ARSL: variants seen among roughly 807,000 people sequenced by gnomAD.
The protein encoded by ARSL is arylsulfatase E (chondrodysplasia punctata 1).
ARSL carries 4 observed loss-of-function variants against 31.1 expected under a neutral mutation model. The ratio of observed to expected loss-of-function variants is 0.13; its 90% CI spans 0.06 to 0.29. The LOEUF is 0.29. ARSL is among the 10% of genes least tolerant of loss of function. The pLI is 1.00. For synonymous variants in ARSL, 198 were observed against 209.9 expected (o/e 0.94, Z 0.49); for missense variants, 312 against 497.8 (o/e 0.63, Z 3.55).
At chrX:2,964,395 G>A (rs775727358), upstream of ARSL, 32 of 751,083 alleles carry the variant, frequency 4.3e-5, no homozygotes, top group African/African-American at 7.4e-4. Context: ...GACAGACAGA[G>A]CAGACTCCCC....
rs750738958 is a variant in ARSL at position 2,935,155 on chromosome X, C to T, written c.1447G>A (p.Val483Met). ...TMWKVHFVTPVFQPEGAGACY... is the reference protein window; with the variant it reads ...TMWKVHFVTPMFQPEGAGACY... ...GCACCGGCTCCCTCTGGCTGGAACA[C>T]AGGCGTCACAAAGTGGACTTTCCAC... is the stretch of plus-strand genomic sequence containing the variant. Residue 483 changes from valine to methionine, a missense_variant, in exon 11 of 11, where the codon GTG (valine) becomes ATG (methionine). Val to Met is a conservative substitution (Grantham distance 21). Transcript: ENST00000381134. The T allele has an allele frequency of 8.3e-7, 1 of 1,209,662 alleles. No individual in the cohort carries two copies. The highest frequency in any genetic ancestry group is 2.2e-5 in the Admixed American group (1 of 45,623).
At chrX:2,960,035 C>G in intron 2 of ARSL, 1 of 204,681 alleles carries the variant, frequency 4.9e-6, no homozygotes, top group Non-Finnish European at 8.8e-6. Flanking sequence ...TTTGGGAGGC[C>G]GAGGCGGGCG....
Position 2,949,385 on chromosome X carries a change from T to C in ARSL, c.773A>G (p.Asn258Ser). The C allele has an allele frequency of 8.3e-7, 1 of 1,210,678 alleles. No homozygotes were observed. The highest frequency in any genetic ancestry group is 3.0e-5 in the East Asian group (1 of 33,789). The change falls in exon 6 of 11, where the codon AAC becomes AGC. Residue 258 changes from asparagine (N) to serine (S), a missense_variant. By Grantham distance (46) the Asn-to-Ser change is conservative. Coordinates refer to ENST00000381134, the MANE Select transcript of ARSL (RefSeq NM_000047.3). The stretch of plus-strand genomic sequence containing the variant: ...CATGGGCTGCTCCGTGATGGTGTGG[T>C]TTCTCATCAGAAAGCAATCGGCATG... The part of the protein sequence containing the change: ...IVHADCFLMR[N>S]HTITEQPMCF...
rs775743531 is a variant in ARSL, at chrX:2,943,052, A to G, written c.1126+13T>C. The stretch of plus-strand genomic sequence containing the variant: ...ACTTGCAAGATGAAGATCTGGGAGC[A>G]TCTCAGTCTTACCTTTATAAATTCC... On this transcript the variant is annotated intron_variant, in intron 8 of 10. Transcript: ENST00000381134. The G allele has an allele frequency of 1.1e-5, 13 of 1,210,823 alleles. No individual in the cohort carries two copies. The highest frequency in any genetic ancestry group is 1.5e-5 in the Non-Finnish European group (13 of 894,947).
rs1242404525 is a variant in ARSL at position 2,943,177 on chromosome X, G to A, written c.1014C>T (p.Asp338=). The A allele has an allele frequency of 8.3e-7, 1 of 1,210,765 alleles. No homozygotes were observed. Among genetic ancestry groups the A allele is most frequent in the South Asian group, 1.8e-5 (1 of 56,889 alleles). The part of the protein sequence containing the change: ...WMVGRILDTL[D]VEGLSNSTLI... ...GGGTGCTGTTGCTCAAACCCTCCAC[G>A]TCCAAAGTGTCAAGGATCCGTCCTG... is the stretch of plus-strand genomic sequence containing the variant. Residue 338 remains aspartate, a synonymous_variant, in exon 8 of 11, where the codon GAC becomes GAT. Coordinates refer to ENST00000381134, the MANE Select transcript of ARSL (RefSeq NM_000047.3).
rs768004061 is a variant in ARSL, at chrX:2,955,504, G to C, written c.219C>G (p.Gly73=). ...CAGAGATGTGTTGGGTCAGCTTCAC[G>C]CCGTCCTCTGCAAGGCGGTCAATAT... ...TPNIDRLAED[G]VKLTQHISAA... The change falls in exon 4 of 11, where the codon GGC becomes GGG. Residue 73 remains glycine, a synonymous_variant. Transcript: ENST00000381134. 5.0e-6 allele frequency: 6 copies of C among 1,209,367 alleles called. No homozygotes were observed. The highest frequency in any genetic ancestry group is 6.7e-6 in the Non-Finnish European group (6 of 894,864).
At chrX:2,960,561 A>G (rs1255038786) in intron 1 of ARSL, 141 bp from the exon 2 acceptor site, 18 of 565,841 alleles carry the variant, frequency 3.2e-5, no homozygotes, top group Non-Finnish European at 5.1e-5. Flanking sequence ...ACAATGATCA[A>G]AATCTATAAA....
At position 2,939,316 on chromosome X, in the gene ARSL, C is replaced by G. The variant is rs184016493; in HGVS notation, c.1127-1059G>C. Reference sequence around the variant, plus strand: ...AGTTGGCAGAGGCAGGGAGGAGCCTCCCCTAGAGCTTCTGGCGGGAACATT... The same window carrying G: ...AGTTGGCAGAGGCAGGGAGGAGCCTGCCCTAGAGCTTCTGGCGGGAACATT... On this transcript the variant is annotated intron_variant, in intron 8 of 10. Transcript: ENST00000381134. Among the ~76,000 whole-genome samples the G allele has an allele frequency of 7.4e-3, 830 of 112,075 alleles. 9 individuals carry two copies. The highest frequency in any genetic ancestry group is 0.026 in the African/African-American group (797 of 30,900).
In ARSL at chrX:2,949,377, T is replaced by C. The variant is rs2089429993; in HGVS notation, c.781A>G (p.Ile261Val). Reference protein sequence around the residue: ...ADCFLMRNHTITEQPMCFQRT... With the variant: ...ADCFLMRNHTVTEQPMCFQRT... Reference sequence around the variant, plus strand: ...TGGAAGCACATGGGCTGCTCCGTGATGGTGTGGTTTCTCATCAGAAAGCAA... The same window carrying C: ...TGGAAGCACATGGGCTGCTCCGTGACGGTGTGGTTTCTCATCAGAAAGCAA... Residue 261 changes from isoleucine (I) to valine (V), a missense_variant, in exon 6 of 11, where the codon ATC becomes GTC. Transcript: ENST00000381134. 8.3e-7 allele frequency: 1 copy of C among 1,208,996 alleles called. No homozygotes were observed. Among genetic ancestry groups the C allele is most frequent in the African/African-American group, 1.8e-5 (1 of 56,886 alleles).
Position 2,955,432 on chromosome X carries a change from T to C in ARSL, c.291A>G (p.Arg97=). ...GAGACTGACCTGATCGCACAGGGTA[T>C]CTGCCCGTGAGGAAGGCGGCTCTGC... ...TPSRAAFLTG[R]YPVRSGMVSS... is the part of the protein sequence containing the mutation. The change falls in exon 4 of 11, where the codon AGA becomes AGG. Residue 97 remains arginine (R), a synonymous_variant. Coordinates refer to ENST00000381134, the MANE Select transcript of ARSL (RefSeq NM_000047.3). 1 of 1,212,032 alleles carries C rather than the reference T, an allele frequency of 8.3e-7. No individual in the cohort carries two copies. The highest frequency in any genetic ancestry group is 1.1e-6 in the Non-Finnish European group (1 of 895,450).
At chrX:2,959,991 C>A in intron 2 of ARSL, 1 of 224,638 alleles carries the variant, frequency 4.5e-6, no homozygotes. Context: ...GAAAAGAGGC[C>A]GGGCGCGGTG....
At chrX:2,955,845 C>A (rs1035904000) in intron 3 of ARSL, among the ~76,000 whole-genome samples, 7 of 111,669 alleles carry the variant, frequency 6.3e-5, no homozygotes, top group Non-Finnish European at 1.1e-4. Context: ...GCCAACATGG[C>A]GAGACCCTGT....
intron 4 of ARSL, 53 bp downstream of exon 4, chrX:2,955,363 C>T (rs2089510920): frequency 3.3e-6 from 4 of 1,201,958 alleles, no homozygotes. Context: ...GAACTAGAAA[C>T]TGTGACGAAT....
At chrX:2,958,164 CT>C in intron 3 of ARSL, 109 bp downstream of exon 3, 2 of 1,044,115 alleles carry the variant, frequency 1.9e-6, no homozygotes, top group South Asian at 4.1e-5. Flanking sequence ...AAGTGCAGAA[CT>C]CTTGAAGTGT....
intron 4 of ARSL, among the ~76,000 whole-genome samples, chrX:2,954,674 C>G (rs1474820363): frequency 9.0e-6 from 1 of 111,370 alleles, no homozygotes; most frequent in African/African-American, 3.3e-5. Flanking sequence ...GCAAGGCCAA[C>G]AGATCAGGAG....
intron 3 of ARSL, among the ~76,000 whole-genome samples, chrX:2,957,838 G>C (rs967528691): frequency 9.1e-6 from 1 of 109,989 alleles, no homozygotes; most frequent in Admixed American, 9.8e-5. Flanking sequence ...TGGGCAACAC[G>C]GCAAAACCCC....
At chrX:2,956,386 G>C (rs764133516) in intron 3 of ARSL, among the ~76,000 whole-genome samples, 2 of 112,007 alleles carry the variant, frequency 1.8e-5, no homozygotes, top group South Asian at 7.6e-4. Context: ...TAGATGGATA[G>C]GGTTGGGAGT....
chrX:2,944,480 A>C (rs767082651), intron 7 of ARSL, among the ~76,000 whole-genome samples: 2 of 109,335 alleles, frequency 1.8e-5, no homozygotes, highest in Non-Finnish European at 3.8e-5. Context: ...AAACAAAAAA[A>C]AAAAAACAAA....
intron 8 of ARSL, among the ~76,000 whole-genome samples, chrX:2,941,142 T>A (rs1251370156): frequency 9.1e-6 from 1 of 109,815 alleles, no homozygotes; most frequent in Non-Finnish European, 1.9e-5. Flanking sequence ...GGCATTAACA[T>A]CCACACAGCC....
Sources: allele counts gnomAD v4.1 joint callset (sites outside exome capture counted in the v4.1 genomes callset), GRCh38; gene constraint gnomAD v4.1.1; transcripts MANE v1.5; gene names NCBI Gene and HGNC (gene_info 2026-07-23, HGNC 2026-07-21).